Variants in SGCZ observed in about 807,000 individuals in gnomAD.
SGCZ encodes zeta-sarcoglycan.
A neutral mutation model predicts 41.3 loss-of-function variants in SGCZ; 40 were observed. That is an observed-to-expected ratio of 0.97 (90% CI 0.75 to 1.26). The LOEUF is 1.26. Among genes scored for constraint, SGCZ ranks in the 50% most tolerant of loss-of-function variants. SGCZ has a pLI of 0.00. For missense variants in SGCZ, 552 were observed against 369.8 expected, an observed-to-expected ratio of 1.49 and a Z score of -4.04; for synonymous variants, 206 against 137.5, an observed-to-expected ratio of 1.50 and a Z score of -3.49.
At chr8:14,460,448 C>T (rs1585544949) in intron 2 of SGCZ, among the ~76,000 whole-genome samples, 1 of 152,088 alleles carries the variant, frequency 6.6e-6, no homozygotes, top group African/African-American at 2.4e-5. Context: ...GCAGTTTTCA[C>T]TGGGTGTCAG....
At chr8:14,250,495 G>A (rs1183396530) in intron 3 of SGCZ, among the ~76,000 whole-genome samples, 1 of 151,970 alleles carries the variant, frequency 6.6e-6, no homozygotes, top group African/African-American at 2.4e-5. Flanking sequence ...AGTGATATAG[G>A]ACATTTACAG....
At chr8:14,862,919 C>A (rs1258050328) in intron 1 of SGCZ, among the ~76,000 whole-genome samples, 4 of 152,032 alleles carry the variant, frequency 2.6e-5, no homozygotes, top group Non-Finnish European at 5.9e-5. Flanking sequence ...TGAGAAGCAG[C>A]TCGTTCAGCT....
At chr8:14,946,332 T>G (rs1404674152) in intron 1 of SGCZ, among the ~76,000 whole-genome samples, 1 of 151,262 alleles carries the variant, frequency 6.6e-6, no homozygotes, top group Non-Finnish European at 1.5e-5. Flanking sequence ...AGTCTCGGAG[T>G]GGCCACGTAT....
At chr8:14,802,478 C>T (rs73664479) in intron 1 of SGCZ, among the ~76,000 whole-genome samples, 2 of 152,240 alleles carry the variant, frequency 1.3e-5, no homozygotes, top group South Asian at 2.1e-4. Context: ...AGGGGATACT[C>T]CCATGGAGGA....
chr8:15,014,043 G>A (rs1393987918), intron 1 of SGCZ, among the ~76,000 whole-genome samples: 1 of 152,158 alleles, frequency 6.6e-6, no homozygotes, highest in Non-Finnish European at 1.5e-5. Flanking sequence ...AGTTTATCAG[G>A]ATTAGTGAGA....
At chr8:15,219,697 CAGG>C (rs1801527765) in intron 1 of SGCZ, among the ~76,000 whole-genome samples, 1 of 152,116 alleles carries the variant, frequency 6.6e-6, no homozygotes, top group Non-Finnish European at 1.5e-5. Context: ...CAGAAGGAAA[CAGG>C]AGGTTTAACT....
At chr8:14,395,045 A>G (rs1798870762) in intron 2 of SGCZ, among the ~76,000 whole-genome samples, 1 of 152,232 alleles carries the variant, frequency 6.6e-6, no homozygotes, top group Non-Finnish European at 1.5e-5. Context: ...TACCTCAGAC[A>G]ATTCTGAAGA....
chr8:15,131,500 T>A (rs1371297305), intron 1 of SGCZ, among the ~76,000 whole-genome samples: 1 of 152,246 alleles, frequency 6.6e-6, no homozygotes, highest in African/African-American at 2.4e-5. Context: ...GAAAATGGAC[T>A]AATACACTAA....
intron 2 of SGCZ, among the ~76,000 whole-genome samples, chr8:14,362,894 T>C (rs1803576784): frequency 6.6e-6 from 1 of 152,210 alleles, no homozygotes; most frequent in Non-Finnish European, 1.5e-5. Context: ...TATAGTATTA[T>C]TGAGAGCATA....
At chr8:14,473,668 T>G (rs1174738668) in intron 2 of SGCZ, among the ~76,000 whole-genome samples, 1 of 152,012 alleles carries the variant, frequency 6.6e-6, no homozygotes, top group African/African-American at 2.4e-5. Flanking sequence ...CCGGGCGAGG[T>G]GTCTCAAGCC....
At chr8:14,188,822 TTG>T (rs1183927292) in intron 4 of SGCZ, among the ~76,000 whole-genome samples, 1 of 17,006 alleles carries the variant, frequency 5.9e-5, no homozygotes, top group Non-Finnish European at 1.1e-4. Flanking sequence ...GTTTGTTTCT[TTG>T]TTTTTTTTTG....
chr8:14,957,839 T>C (rs1018457644), intron 1 of SGCZ, among the ~76,000 whole-genome samples: 1 of 152,090 alleles, frequency 6.6e-6, no homozygotes, highest in Non-Finnish European at 1.5e-5. Flanking sequence ...TTGTGTCTTT[T>C]TGCTATGCTG....
intron 3 of SGCZ, among the ~76,000 whole-genome samples, chr8:14,275,275 A>G (rs1800190611): frequency 6.6e-6 from 1 of 152,092 alleles, no homozygotes; most frequent in South Asian, 2.1e-4. Flanking sequence ...TCCATTGCCT[A>G]CTCTCTCAGT....
chr8:14,207,883 T>A (rs1805669487), intron 4 of SGCZ, among the ~76,000 whole-genome samples: 1 of 152,022 alleles, frequency 6.6e-6, no homozygotes, highest in Admixed American at 6.6e-5. Context: ...TCTGATCATA[T>A]GGCTACTGGA....
chr8:14,446,175 C>T (rs11203610), intron 2 of SGCZ, among the ~76,000 whole-genome samples: 64,378 of 151,842 alleles, frequency 0.42, 13,884 homozygotes, highest in Non-Finnish European at 0.46. Context: ...ATAACTGAAT[C>T]TTCAGCAAGC....
At chr8:14,760,483 C>T (rs1799831531) in intron 1 of SGCZ, among the ~76,000 whole-genome samples, 1 of 152,124 alleles carries the variant, frequency 6.6e-6, no homozygotes, top group South Asian at 2.1e-4. Context: ...CCTTAATAAA[C>T]CAATATATTG....
intron 2 of SGCZ, among the ~76,000 whole-genome samples, chr8:14,353,348 C>G (rs1171647781): frequency 6.6e-6 from 1 of 152,074 alleles, no homozygotes; most frequent in African/African-American, 2.4e-5. Context: ...GCCCTCTTCT[C>G]TATGAATTTC....
chr8:14,617,222 T>C (rs1033645533), intron 1 of SGCZ, among the ~76,000 whole-genome samples: 13 of 152,168 alleles, frequency 8.5e-5, no homozygotes, highest in African/African-American at 2.9e-4. Context: ...ATTGTCAACA[T>C]ATGTGTTTAT....
chr8:14,627,770 C>A (rs141512319), intron 1 of SGCZ, among the ~76,000 whole-genome samples: 195 of 151,746 alleles, frequency 1.3e-3, no homozygotes, highest in African/African-American at 4.4e-3. Flanking sequence ...TGACTGCAAT[C>A]ATGAATACGT....
Sources: allele counts gnomAD v4.1 joint callset (sites outside exome capture counted in the v4.1 genomes callset), GRCh38; gene constraint gnomAD v4.1.1; transcripts MANE v1.5; gene names NCBI Gene and HGNC (gene_info 2026-07-23, HGNC 2026-07-21).